Variants in ANO4 observed in about 807,000 individuals in gnomAD.
ANO4 encodes the protein anoctamin 4, also known as anoctamin-4.
In ANO4, 69 loss-of-function variants were observed where a neutral mutation model predicts 141.9. The observed-to-expected ratio is 0.49, with a 90% confidence interval of 0.40 to 0.59. The LOEUF (loss-of-function observed/expected upper bound fraction) is 0.59. Ranked by LOEUF, ANO4 falls within the 20% of genes least tolerant of loss-of-function variation. ANO4 has a pLI of 0.00. For synonymous variants in ANO4, 350 were observed against 394.3 expected (o/e 0.89, Z 1.33); for missense variants, 894 against 1,162.2 (o/e 0.77, Z 3.36).
intron 14 of ANO4, among the ~76,000 whole-genome samples, chr12:101,075,730 T>G (rs2048998632): frequency 1.7e-5 from 1 of 60,038 alleles, no homozygotes; most frequent in Non-Finnish European, 4.8e-5. Context: ...TATATATCTT[T>G]ATATATATAT....
At chr12:100,910,108 G>A (rs1049932767) in intron 2 of ANO4, among the ~76,000 whole-genome samples, 1 of 152,152 alleles carries the variant, frequency 6.6e-6, no homozygotes, top group Non-Finnish European at 1.5e-5. Context: ...GTATTGTAAT[G>A]TATTATGTCT....
chr12:101,030,954 A>G (rs1368824950), intron 9 of ANO4, among the ~76,000 whole-genome samples: 2 of 152,206 alleles, frequency 1.3e-5, no homozygotes, highest in Admixed American at 6.5e-5. Flanking sequence ...TAGCCTACCC[A>G]CCAAAAAAAG....
At chr12:100,807,375 T>C (rs1340820392) in intron 1 of ANO4, among the ~76,000 whole-genome samples, 1 of 152,208 alleles carries the variant, frequency 6.6e-6, no homozygotes, top group African/African-American at 2.4e-5. Context: ...ACTGTGTTAA[T>C]CACTCTAGTT....
intron 1 of ANO4, among the ~76,000 whole-genome samples, chr12:100,726,727 C>G (rs2031137761): frequency 6.6e-6 from 1 of 152,148 alleles, no homozygotes; most frequent in Non-Finnish European, 1.5e-5. Context: ...GCTACCATGA[C>G]TTATGCATGT....
At chr12:100,908,709 C>T (rs1352568659) in intron 2 of ANO4, among the ~76,000 whole-genome samples, 3 of 152,134 alleles carry the variant, frequency 2.0e-5, no homozygotes, top group Non-Finnish European at 4.4e-5. Flanking sequence ...TTAGTAGCAG[C>T]TTGGACAATT....
At chr12:101,110,976 A>T (rs988565137) in intron 23 of ANO4, among the ~76,000 whole-genome samples, 10 of 152,210 alleles carry the variant, frequency 6.6e-5, no homozygotes, top group Non-Finnish European at 1.0e-4. Flanking sequence ...TTGACTAGAG[A>T]TGCTAAGTTG....
chr12:100,923,337 C>T (rs2041719929), intron 3 of ANO4, among the ~76,000 whole-genome samples: 1 of 148,320 alleles, frequency 6.7e-6, no homozygotes, highest in Non-Finnish European at 1.5e-5. Flanking sequence ...TGCCCTGTGT[C>T]CAAATCATCT....
chr12:101,115,045 G>C (rs1252105331), intron 24 of ANO4, among the ~76,000 whole-genome samples: 1 of 151,934 alleles, frequency 6.6e-6, no homozygotes, highest in African/African-American at 2.4e-5. Context: ...TCATCATTTT[G>C]GTTTAGTGTT....
intron 1 of ANO4, among the ~76,000 whole-genome samples, chr12:100,819,850 A>G (rs530829123): frequency 6.6e-6 from 1 of 151,560 alleles, no homozygotes; most frequent in South Asian, 2.1e-4. Context: ...TCCTCTCCCT[A>G]TTTCTCCTTC....
intron 1 of ANO4, among the ~76,000 whole-genome samples, chr12:100,896,608 A>T (rs899717954): frequency 6.6e-6 from 1 of 152,212 alleles, no homozygotes; most frequent in African/African-American, 2.4e-5. Flanking sequence ...GTTTGAACTC[A>T]TCCTGGTTGT....
At chr12:100,882,487 T>TG (rs1208278434) in intron 1 of ANO4, among the ~76,000 whole-genome samples, 1 of 152,080 alleles carries the variant, frequency 6.6e-6, no homozygotes, top group Admixed American at 6.6e-5. Context: ...AACACATAGT[T>TG]GGTAGTAGTG....
At chr12:100,975,334 TTAGA>T (rs1478769477) in intron 7 of ANO4, among the ~76,000 whole-genome samples, 1 of 151,976 alleles carries the variant, frequency 6.6e-6, no homozygotes, top group African/African-American at 2.4e-5. Flanking sequence ...GCCCATTCTA[TTAGA>T]TAAATTATCA....
intron 2 of ANO4, among the ~76,000 whole-genome samples, chr12:100,918,678 G>A (rs568915500): frequency 6.6e-6 from 1 of 152,196 alleles, no homozygotes; most frequent in South Asian, 2.1e-4. Flanking sequence ...CTACTGTGCT[G>A]CCAGTTGTAT....
chr12:100,950,352 G>A (rs936259731), intron 5 of ANO4, among the ~76,000 whole-genome samples: 2 of 152,192 alleles, frequency 1.3e-5, no homozygotes, highest in Admixed American at 1.3e-4. Flanking sequence ...GACAAGAAAG[G>A]AGAATTTAGG....
At chr12:100,928,364 G>C (rs1002465051) in intron 3 of ANO4, among the ~76,000 whole-genome samples, 5 of 152,040 alleles carry the variant, frequency 3.3e-5, no homozygotes, top group African/African-American at 9.7e-5. Context: ...ACACAGTCAG[G>C]GGTGTATAAG....
rs34104722 is a variant in ANO4 at position 100,819,095 on chromosome 12, A to G, written c.-141+24068A>G. On this transcript the variant is annotated intron_variant, in intron 1 of 27. Transcript: ENST00000392977. ...TATATATATATTTCTATTTTAAATA[A>G]CCTGAGTAATGACATTAGATGAATT... 8.1e-3 allele frequency among the ~76,000 whole-genome samples: 1,209 copies of G among 149,072 alleles called. 18 individuals carry two copies. Among genetic ancestry groups the G allele is most frequent in the Middle Eastern group, 0.022 (6 of 278 alleles).
chr12:100,829,001 C>T (rs1648232008), intron 1 of ANO4, among the ~76,000 whole-genome samples: 1 of 150,170 alleles, frequency 6.7e-6, no homozygotes, highest in Non-Finnish European at 1.5e-5. Context: ...GCCTGGGCAA[C>T]AGAGTGAGAC....
At chr12:100,972,749 C>T (rs1275531465) in intron 6 of ANO4, among the ~76,000 whole-genome samples, 1 of 151,976 alleles carries the variant, frequency 6.6e-6, no homozygotes. Flanking sequence ...AAAGAAAACC[C>T]TACAAAATAT....
intron 14 of ANO4, among the ~76,000 whole-genome samples, chr12:101,075,551 T>C (rs1001934200): frequency 1.3e-5 from 2 of 151,490 alleles, no homozygotes; most frequent in Admixed American, 1.3e-4. Flanking sequence ...ACAAAACTCT[T>C]AGGAATTTCG....
Sources: allele counts gnomAD v4.1 joint callset (sites outside exome capture counted in the v4.1 genomes callset), GRCh38; gene constraint gnomAD v4.1.1; transcripts MANE v1.5; gene names NCBI Gene and HGNC (gene_info 2026-07-23, HGNC 2026-07-21).